Variants in SCMH1 observed in about 807,000 individuals in gnomAD.
SCMH1 encodes Scm polycomb group protein homolog 1.
SCMH1 carries 37 observed loss-of-function variants against 70.8 expected under a neutral mutation model. That is an observed-to-expected ratio of 0.52 (90% confidence interval 0.40 to 0.69). The LOEUF (loss-of-function observed/expected upper bound fraction) is 0.69, where lower values mean the gene tolerates loss of function less well. Among genes scored for constraint, SCMH1 ranks in the 30% least tolerant of loss-of-function variants. SCMH1 has a pLI of 0.00. For synonymous variants in SCMH1, 292 were observed against 307.4 expected, an observed-to-expected ratio of 0.95 and a Z score of 0.52; for missense variants, 607 against 827.3, an observed-to-expected ratio of 0.73 and a Z score of 3.27.
chr1:41,074,552 G>GA (rs910494647), intron 9 of SCMH1, among the ~76,000 whole-genome samples: 36 of 146,874 alleles, frequency 2.5e-4, no homozygotes, highest in East Asian at 1.2e-3. Flanking sequence ...CTGATTAAAA[G>GA]AAAAAAAAAA....
Position 41,206,878 on chromosome 1 carries a change from C to T in SCMH1, c.-117-20628G>A, listed in dbSNP as rs552773720. Among the ~76,000 whole-genome samples, 3 of 152,240 alleles carry T rather than the reference C, an allele frequency of 2.0e-5. No individual in the cohort carries two copies. The East Asian group carries it at 5.8e-4, about 29-fold the overall frequency. Reference sequence around the variant, plus strand: ...CCTATACGCCAGAAGCGAGTGGGGGCCAATATTCAACATTCTTAAAGAAAA... The same window carrying T: ...CCTATACGCCAGAAGCGAGTGGGGGTCAATATTCAACATTCTTAAAGAAAA... On this transcript the variant is annotated intron_variant, in intron 1 of 14. Transcript: ENST00000337495.
intron 8 of SCMH1, among the ~76,000 whole-genome samples, chr1:41,086,125 C>T (rs2148984267): frequency 6.6e-6 from 1 of 152,290 alleles, no homozygotes; most frequent in African/African-American, 2.4e-5. Context: ...AAGCATGAGC[C>T]ACCACGCCCA....
At chr1:41,196,716 A>G (rs574232282) in intron 1 of SCMH1, among the ~76,000 whole-genome samples, 62 of 152,316 alleles carry the variant, frequency 4.1e-4, no homozygotes, top group Non-Finnish European at 8.8e-4. Context: ...CACCAAAATG[A>G]AAAACTGTTG....
intron 6 of SCMH1, among the ~76,000 whole-genome samples, chr1:41,141,220 CA>C (rs769340328): frequency 6.6e-6 from 1 of 152,166 alleles, no homozygotes; most frequent in Non-Finnish European, 1.5e-5. Flanking sequence ...AGATTTAAAT[CA>C]GGGGCAGCAA....
At chr1:41,145,755 T>C (rs1644493513) in intron 5 of SCMH1, among the ~76,000 whole-genome samples, 1 of 152,150 alleles carries the variant, frequency 6.6e-6, no homozygotes, top group Non-Finnish European at 1.5e-5. Flanking sequence ...ACAATGGAGC[T>C]AAAAAATTCC....
chr1:41,154,222 T>C (rs213744), intron 4 of SCMH1, among the ~76,000 whole-genome samples: 116,429 of 152,174 alleles, frequency 0.77, 45,369 homozygotes, highest in African/African-American at 0.92. Flanking sequence ...CAGAAGTTCT[T>C]ATTCAGTAGG....
chr1:41,091,611 G>T (rs200867799), intron 8 of SCMH1, among the ~76,000 whole-genome samples: 1 of 152,150 alleles, frequency 6.6e-6, no homozygotes, highest in East Asian at 1.9e-4. Context: ...GTTTGCAGAT[G>T]ACATGATTGT....
At chr1:41,187,298 C>T (rs532971054) in intron 1 of SCMH1, among the ~76,000 whole-genome samples, 1 of 151,058 alleles carries the variant, frequency 6.6e-6, no homozygotes, top group African/African-American at 2.4e-5. Context: ...CCCATCTCTA[C>T]TAAAAATACA....
At chr1:41,086,361 A>C (rs1234954022) in intron 8 of SCMH1, among the ~76,000 whole-genome samples, 1 of 152,174 alleles carries the variant, frequency 6.6e-6, no homozygotes, top group East Asian at 1.9e-4. Flanking sequence ...TCAGGAACAA[A>C]GTTAACAGGA....
chr1:41,212,523 G>A (rs906727090), intron 1 of SCMH1, among the ~76,000 whole-genome samples: 1 of 152,010 alleles, frequency 6.6e-6, no homozygotes, highest in Non-Finnish European at 1.5e-5. Flanking sequence ...TGACATCAAA[G>A]AACCAGAAAC....
rs1028883623 is a variant in SCMH1, at chr1:41,029,903, G to A, written c.1679-1177C>T. ...AGTAATCTCTATTCTCCATGAAGCA[G>A]TAAAGGAACCTTTAAAAAGCAATAA... is the stretch of plus-strand genomic sequence containing the variant. On this transcript the variant is annotated intron_variant, in intron 13 of 14. Coordinates refer to ENST00000337495, the Ensembl canonical transcript of SCMH1. 6.6e-5 allele frequency among the ~76,000 whole-genome samples: 10 copies of A among 152,306 alleles called. No individual in the cohort carries two copies. In the East Asian group the frequency reaches 9.6e-4, roughly 15 times the overall value.
At chr1:41,047,392 CTTTTTTTTT>C (rs397861246) in intron 11 of SCMH1, among the ~76,000 whole-genome samples, 3 of 112,454 alleles carry the variant, frequency 2.7e-5, no homozygotes, top group Admixed American at 1.0e-4. Flanking sequence ...ACTTCCCAGT[CTTTTTTTTT>C]TTTTTTTTTT....
intron 8 of SCMH1, among the ~76,000 whole-genome samples, chr1:41,086,591 C>T (rs1310638047): frequency 6.6e-6 from 1 of 151,956 alleles, no homozygotes; most frequent in African/African-American, 2.4e-5. Context: ...GATAAGTTGA[C>T]ATTAAACTTT....
chr1:41,137,624 G>A (rs1643562677), intron 6 of SCMH1, among the ~76,000 whole-genome samples: 1 of 152,194 alleles, frequency 6.6e-6, no homozygotes, highest in Non-Finnish European at 1.5e-5. Context: ...TGGTTTCATA[G>A]TAGAGTTACT....
At chr1:41,218,084 A>C (rs1340806085) in intron 1 of SCMH1, among the ~76,000 whole-genome samples, 1 of 152,220 alleles carries the variant, frequency 6.6e-6, no homozygotes, top group South Asian at 2.1e-4. Context: ...GATTATATAA[A>C]AAATGAAATT....
At chr1:41,236,984 TC>T (rs904797791) in intron 1 of SCMH1, among the ~76,000 whole-genome samples, 1 of 152,192 alleles carries the variant, frequency 6.6e-6, no homozygotes, top group Non-Finnish European at 1.5e-5. Context: ...GTGGTTAAAT[TC>T]CCTCATTCAC....
At chr1:41,214,808 A>G (rs945966425) in intron 1 of SCMH1, among the ~76,000 whole-genome samples, 3 of 152,144 alleles carry the variant, frequency 2.0e-5, no homozygotes, top group Non-Finnish European at 4.4e-5. Context: ...AGCTTTAGTT[A>G]TATTATTTTT....
intron 1 of SCMH1, among the ~76,000 whole-genome samples, chr1:41,239,815 T>G (rs1035976914): frequency 6.6e-6 from 1 of 152,202 alleles, no homozygotes; most frequent in African/African-American, 2.4e-5. Context: ...TTTTTATTTT[T>G]TGTAGAGACA....
intron 13 of SCMH1, 104 bp from the exon 14 acceptor site, chr1:41,034,152 A>G (rs958325907): frequency 4.8e-6 from 7 of 1,455,894 alleles, no homozygotes; most frequent in Non-Finnish European, 6.4e-6. Flanking sequence ...CAAGTCTCAA[A>G]GCAAGGGAGC....
Sources: allele counts gnomAD v4.1 joint callset (sites outside exome capture counted in the v4.1 genomes callset), GRCh38; gene constraint gnomAD v4.1.1; transcripts MANE v1.5; gene names NCBI Gene and HGNC (gene_info 2026-07-23, HGNC 2026-07-21).